Variants in NKAIN3 observed in about 807,000 individuals in gnomAD.
NKAIN3 encodes the protein sodium/potassium-transporting ATPase subunit beta-1-interacting protein 3.
Under a neutral mutation model 30.2 loss-of-function variants are expected in NKAIN3, and 25 were observed. The ratio of observed to expected loss-of-function variants is 0.83; its 90% CI spans 0.60 to 1.16. NKAIN3 has a LOEUF of 1.16. NKAIN3 is among the 50% of genes most tolerant of loss of function. The pLI, the probability that NKAIN3 is intolerant of heterozygous loss-of-function variation, is 0.00. For synonymous variants in NKAIN3, 91 were observed against 89.6 expected (o/e 1.02, Z -0.09); for missense variants, 225 against 254.1 (o/e 0.89, Z 0.78).
At chr8:62,511,620 C>T (rs1022286221) in intron 1 of NKAIN3, among the ~76,000 whole-genome samples, 3 of 152,184 alleles carry the variant, frequency 2.0e-5, no homozygotes, top group South Asian at 2.1e-4. Flanking sequence ...TACAAGGGGC[C>T]TCCCTCTTCC....
At chr8:62,992,128 C>T (rs1824334096) in intron 5 of NKAIN3, among the ~76,000 whole-genome samples, 1 of 151,926 alleles carries the variant, frequency 6.6e-6, no homozygotes, top group African/African-American at 2.4e-5. Context: ...AAGTGACCCT[C>T]CTGCCTCCCA....
chr8:62,342,495 G>GA (rs1470111866), intron 1 of NKAIN3, among the ~76,000 whole-genome samples: 5 of 151,972 alleles, frequency 3.3e-5, no homozygotes, highest in Non-Finnish European at 7.4e-5. Flanking sequence ...TGTAACAAAA[G>GA]TGTCTAGTCT....
At chr8:62,651,973 G>C (rs1413127247) in intron 3 of NKAIN3, among the ~76,000 whole-genome samples, 1 of 152,096 alleles carries the variant, frequency 6.6e-6, no homozygotes, top group African/African-American at 2.4e-5. Flanking sequence ...AGAACCATAA[G>C]CCAGAAAAAC....
At chr8:62,823,705 G>C (rs562040517) in intron 4 of NKAIN3, among the ~76,000 whole-genome samples, 2 of 152,106 alleles carry the variant, frequency 1.3e-5, no homozygotes, top group African/African-American at 4.8e-5. Context: ...CTTTATAATC[G>C]CTGGAGATTT....
At chr8:62,779,312 T>G (rs1009268015) in intron 4 of NKAIN3, among the ~76,000 whole-genome samples, 1 of 152,274 alleles carries the variant, frequency 6.6e-6, no homozygotes, top group Admixed American at 6.5e-5. Context: ...ATGCTTAGCC[T>G]GCTTCTTGCA....
intron 1 of NKAIN3, among the ~76,000 whole-genome samples, chr8:62,456,562 T>C (rs1366060270): frequency 6.6e-6 from 1 of 151,940 alleles, no homozygotes; most frequent in Non-Finnish European, 1.5e-5. Flanking sequence ...TCTTGATCTC[T>C]GAGAGGGCCC....
At chr8:62,305,200 C>A (rs1324731092) in intron 1 of NKAIN3, among the ~76,000 whole-genome samples, 1 of 150,094 alleles carries the variant, frequency 6.7e-6, no homozygotes, top group Non-Finnish European at 1.5e-5. Context: ...GTCTTTCAAC[C>A]CTCAGTAGCA....
chr8:62,468,990 C>T (rs73263305), intron 1 of NKAIN3, among the ~76,000 whole-genome samples: 1,552 of 152,238 alleles, frequency 0.01, 10 homozygotes, highest in African/African-American at 0.035. Context: ...TCTAACCCAA[C>T]GTTCTGTTAC....
At chr8:62,294,381 A>G (rs899096198) in intron 1 of NKAIN3, among the ~76,000 whole-genome samples, 1 of 152,168 alleles carries the variant, frequency 6.6e-6, no homozygotes, top group African/African-American at 2.4e-5. Flanking sequence ...GCACTCGAAA[A>G]TATGTATTGA....
intron 1 of NKAIN3, among the ~76,000 whole-genome samples, chr8:62,421,308 C>T (rs1282950240): frequency 6.6e-6 from 1 of 152,134 alleles, no homozygotes; most frequent in African/African-American, 2.4e-5. Flanking sequence ...ATCTTTGTCC[C>T]TACTTCAGTG....
chr8:62,809,067 AT>A (rs1818399030), intron 4 of NKAIN3, among the ~76,000 whole-genome samples: 3 of 152,044 alleles, frequency 2.0e-5, no homozygotes, highest in South Asian at 2.1e-4. Context: ...ATTCAGTGAT[AT>A]TTCTCCTATT....
chr8:62,642,100 G>A (rs1170603305), intron 3 of NKAIN3, among the ~76,000 whole-genome samples: 1 of 151,976 alleles, frequency 6.6e-6, no homozygotes. Context: ...GATAATACAT[G>A]TTTTTTATTT....
rs10660478 is a variant in NKAIN3, at chr8:62,407,401, G to GTTTTTTT, written c.54+158286_54+158292dup. Among the ~76,000 whole-genome samples, 7 of 118,666 alleles carry GTTTTTTT rather than the reference G, an allele frequency of 5.9e-5. 1 individual carries two copies. The highest frequency in any genetic ancestry group is 1.0e-4 in the African/African-American group (3 of 29,898). The allele number at this position is 118,666 out of a possible 152,430, so 77.8% of individuals were successfully genotyped here. On this transcript the variant is annotated intron_variant, in intron 1 of 6. Transcript: ENST00000623646. ...TATTATCTGACAAGACTAGATAGTT[G>GTTTTTTT]TTTTTTTTTTTTTTTTTTGAGACGG...
At chr8:62,711,309 C>T (rs765154689) in intron 3 of NKAIN3, among the ~76,000 whole-genome samples, 6 of 152,140 alleles carry the variant, frequency 3.9e-5, no homozygotes, top group African/African-American at 7.2e-5. Context: ...AGGTTTTCCT[C>T]GATTATTCCC....
intron 3 of NKAIN3, among the ~76,000 whole-genome samples, chr8:62,636,472 G>A (rs1208437849): frequency 6.6e-6 from 1 of 152,088 alleles, no homozygotes; most frequent in African/African-American, 2.4e-5. Context: ...GGACAATAAT[G>A]TTTCTCCTTG....
At chr8:62,899,493 A>C (rs1821535396) in intron 4 of NKAIN3, among the ~76,000 whole-genome samples, 1 of 152,210 alleles carries the variant, frequency 6.6e-6, no homozygotes, top group Non-Finnish European at 1.5e-5. Flanking sequence ...CCAGGCACAG[A>C]AAGACAAACA....
Position 62,870,734 on chromosome 8 carries a change from TATATATATCTAGATATCTAGATATATAG to T in NKAIN3, c.472-47710_472-47683del, listed in dbSNP as rs1399835080. 1.8e-3 allele frequency among the ~76,000 whole-genome samples: 258 copies of T among 141,446 alleles called. 2 individuals are homozygous for T. Among genetic ancestry groups the T allele is most frequent in the Admixed American group, 3.5e-3 (49 of 14,200 alleles). The allele number at this position is 141,446 out of a possible 152,430, so 92.8% of individuals were successfully genotyped here. On this transcript the variant is annotated intron_variant, in intron 4 of 6. Coordinates refer to ENST00000623646, the MANE Select transcript of NKAIN3 (RefSeq NM_001304533.3). Reference sequence around the variant, plus strand: ...ATCTATATCTCTATATCTATATATCTATATATATCTAGATATCTAGATATATAGATATATATAGAGAGATATATATTGT... The same window carrying T: ...ATCTATATCTCTATATCTATATATCTATATATATAGAGAGATATATATTGT...
intron 4 of NKAIN3, among the ~76,000 whole-genome samples, chr8:62,831,083 G>T (rs186836251): frequency 2.6e-5 from 4 of 152,006 alleles, no homozygotes; most frequent in Admixed American, 1.3e-4. Flanking sequence ...ACCCATATGC[G>T]CCATCAGTTG....
intron 3 of NKAIN3, among the ~76,000 whole-genome samples, chr8:62,693,918 G>GA (rs1475048067): frequency 6.6e-6 from 1 of 151,866 alleles, no homozygotes; most frequent in Non-Finnish European, 1.5e-5. Flanking sequence ...CAACAAAAAA[G>GA]AAAAAAGTTG....
Sources: gnomAD v4.1 joint callset for allele counts (sites outside exome capture counted in the v4.1 genomes callset) on GRCh38, gnomAD v4.1.1 for gene constraint, MANE v1.5 for transcripts, NCBI Gene and HGNC (gene_info 2026-07-23, HGNC 2026-07-21) for gene names.